The following ADAMTSL3 variants were observed in gnomAD, a reference collection of about 807,000 sequenced individuals.
The protein encoded by ADAMTSL3 is ADAMTS-like protein 3.
In ADAMTSL3, 128 loss-of-function variants were observed where a neutral mutation model predicts 201.7. The observed-to-expected ratio is 0.63, with a 90% confidence interval of 0.55 to 0.73. The LOEUF (loss-of-function observed/expected upper bound fraction) is 0.73, where lower values mean the gene tolerates loss of function less well. ADAMTSL3 is among the 30% of genes least tolerant of loss of function. The pLI is 0.00. For missense variants in ADAMTSL3, 1,990 were observed against 2,119.6 expected (o/e 0.94, Z 1.20); for synonymous variants, 738 against 748.4 (o/e 0.99, Z 0.23).
chr15:83,916,832 C>A (rs558745775), intron 16 of ADAMTSL3, among the ~76,000 whole-genome samples: 1 of 152,260 alleles, frequency 6.6e-6, no homozygotes, highest in Non-Finnish European at 1.5e-5. Context: ...CTGTGTTAGA[C>A]TCCATGGTTC....
intron 6 of ADAMTSL3, among the ~76,000 whole-genome samples, chr15:83,822,105 G>A (rs1352404800): frequency 6.8e-6 from 1 of 146,944 alleles, no homozygotes; most frequent in Non-Finnish European, 1.5e-5. Flanking sequence ...CTCCCGGACG[G>A]GGCGCCTGGC....
At chr15:84,031,496 C>A in intron 28 of ADAMTSL3, 64 bp downstream of exon 28, 1 of 1,427,252 alleles carries the variant, frequency 7.0e-7, no homozygotes, top group Non-Finnish European at 9.8e-7. Context: ...ATGATTATAA[C>A]TGCCTGAAAA....
intron 23 of ADAMTSL3, among the ~76,000 whole-genome samples, chr15:84,012,710 A>G (rs917706230): frequency 2.0e-5 from 3 of 152,220 alleles, no homozygotes; most frequent in Non-Finnish European, 2.9e-5. Context: ...TGATTGAGTA[A>G]TGAAAGGATG....
chr15:83,781,079 A>G (rs2063160666), intron 4 of ADAMTSL3, among the ~76,000 whole-genome samples: 1 of 152,186 alleles, frequency 6.6e-6, no homozygotes, highest in South Asian at 2.1e-4. Context: ...AGTAACATTG[A>G]AATTATTTAC....
chr15:83,712,798 C>G lies in ADAMTSL3; in HGVS notation c.189+8290C>G, dbSNP rs1288705060. 2.0e-5 allele frequency among the ~76,000 whole-genome samples: 3 copies of G among 152,328 alleles called. No homozygotes were observed. In the East Asian group the frequency reaches 5.8e-4, roughly 29 times the overall value. ...CTAACCCTGTCATTTCTGCATCTCT[C>G]TGGCTCCAGTGACCTTCACAGACCT... On this transcript the variant is annotated intron_variant, in intron 3 of 29. Coordinates refer to ENST00000286744, the MANE Select transcript of ADAMTSL3 (RefSeq NM_207517.3).
chr15:83,715,353 A>G (rs2062002539), intron 3 of ADAMTSL3, among the ~76,000 whole-genome samples: 1 of 152,230 alleles, frequency 6.6e-6, no homozygotes, highest in African/African-American at 2.4e-5. Context: ...TGTTTCTAAA[A>G]GTTAATAATA....
intron 4 of ADAMTSL3, 111 bp downstream of exon 4, chr15:83,773,761 A>G: frequency 7.3e-7 from 1 of 1,369,854 alleles, no homozygotes; most frequent in South Asian, 1.5e-5. Flanking sequence ...ATGATGGTGT[A>G]ACGTTTGCTT....
chr15:83,757,833 C>A (rs2062745528), intron 3 of ADAMTSL3, among the ~76,000 whole-genome samples: 1 of 152,162 alleles, frequency 6.6e-6, no homozygotes, highest in Admixed American at 6.5e-5. Context: ...TGAATCATCT[C>A]CCTCAAGTTC....
intron 20 of ADAMTSL3, among the ~76,000 whole-genome samples, chr15:83,979,829 T>C (rs2067352836): frequency 6.6e-6 from 1 of 152,246 alleles, no homozygotes; most frequent in African/African-American, 2.4e-5. Context: ...AGCAGCTTCC[T>C]GTCAAATTGT....
intron 3 of ADAMTSL3, among the ~76,000 whole-genome samples, chr15:83,758,644 T>G (rs1331877131): frequency 1.3e-5 from 2 of 152,236 alleles, no homozygotes; most frequent in Non-Finnish European, 2.9e-5. Context: ...CATTTGCATT[T>G]CCCTAATGAT....
chr15:83,701,036 A>G (rs1391094471), intron 2 of ADAMTSL3, among the ~76,000 whole-genome samples: 1 of 152,192 alleles, frequency 6.6e-6, no homozygotes, highest in Non-Finnish European at 1.5e-5. Flanking sequence ...GAATGAGTCC[A>G]TTGGAGCAGC....
intron 15 of ADAMTSL3, among the ~76,000 whole-genome samples, chr15:83,901,010 G>A (rs2065713569): frequency 6.6e-6 from 1 of 152,174 alleles, no homozygotes; most frequent in African/African-American, 2.4e-5. Flanking sequence ...GTCCAGCCCA[G>A]TGGTGAGCCC....
chr15:83,716,804 C>T (rs1160010831), intron 3 of ADAMTSL3, among the ~76,000 whole-genome samples: 1 of 152,138 alleles, frequency 6.6e-6, no homozygotes, highest in African/African-American at 2.4e-5. Context: ...ACGTGGCAGA[C>T]CACCAACAAG....
intron 23 of ADAMTSL3, among the ~76,000 whole-genome samples, chr15:84,003,381 A>G (rs908829795): frequency 6.6e-6 from 1 of 152,138 alleles, no homozygotes; most frequent in Non-Finnish European, 1.5e-5. Context: ...CACCTGTACA[A>G]TCCACAGGGC....
intron 4 of ADAMTSL3, among the ~76,000 whole-genome samples, chr15:83,794,662 G>C (rs571158577): frequency 3.8e-4 from 57 of 149,876 alleles, no homozygotes; most frequent in African/African-American, 9.7e-4. Flanking sequence ...AGGATAGGGT[G>C]GGGGGGAGGA....
chr15:83,917,252 A>G lies in ADAMTSL3; in HGVS notation c.1987+3874A>G, dbSNP rs140489966. Among the ~76,000 whole-genome samples, 9 of 152,344 alleles carry G rather than the reference A, an allele frequency of 5.9e-5. No individual in the cohort carries two copies. In the East Asian group the frequency reaches 1.7e-3, roughly 29 times the overall value. ...TCTGTATACTTATATTTTCTAACCTATCTTCACATCATACAGGAAATAAGA... is the reference window on the plus strand; with the variant it reads ...TCTGTATACTTATATTTTCTAACCTGTCTTCACATCATACAGGAAATAAGA... On this transcript the variant is annotated intron_variant, in intron 16 of 29. Coordinates refer to ENST00000286744, the MANE Select transcript of ADAMTSL3 (RefSeq NM_207517.3).
At chr15:83,849,432 C>T (rs138564832) in intron 7 of ADAMTSL3, among the ~76,000 whole-genome samples, 37 of 152,244 alleles carry the variant, frequency 2.4e-4, no homozygotes, top group South Asian at 1.0e-3. Flanking sequence ...AGCCACCGTC[C>T]GCTGTGTTTT....
chr15:83,711,724 CTG>C (rs1374052703), intron 3 of ADAMTSL3, among the ~76,000 whole-genome samples: 4 of 152,238 alleles, frequency 2.6e-5, no homozygotes, highest in African/African-American at 7.2e-5. Context: ...TTCTGATTGA[CTG>C]TGTCACACAT....
chr15:83,687,474 C>T (rs556040933), intron 2 of ADAMTSL3, among the ~76,000 whole-genome samples: 2 of 152,248 alleles, frequency 1.3e-5, no homozygotes, highest in East Asian at 3.9e-4. Flanking sequence ...CTGAACAGTG[C>T]AGCTCTTAGG....
Sources: allele counts gnomAD v4.1 joint callset (sites outside exome capture counted in the v4.1 genomes callset), GRCh38; gene constraint gnomAD v4.1.1; transcripts MANE v1.5; gene names NCBI Gene and HGNC (gene_info 2026-07-23, HGNC 2026-07-21).